SCFD1: variants seen among roughly 807,000 people sequenced by gnomAD.
SCFD1 encodes the protein sec1 family domain-containing protein 1.
In SCFD1, 37 loss-of-function variants were observed where a neutral mutation model predicts 103.2. That is an observed-to-expected ratio of 0.36 (90% confidence interval 0.28 to 0.47). The LOEUF (loss-of-function observed/expected upper bound fraction) is 0.47, where lower values mean the gene tolerates loss of function less well. Ranked by LOEUF, SCFD1 falls within the 20% of genes least tolerant of loss-of-function variation. SCFD1 has a pLI of 1.00. For synonymous variants in SCFD1, 264 were observed against 245.0 expected, an observed-to-expected ratio of 1.08 and a Z score of -0.73; for missense variants, 639 against 761.2, an observed-to-expected ratio of 0.84 and a Z score of 1.89.
chr14:30,729,483 C>T (rs1178373032), intron 23 of SCFD1, among the ~76,000 whole-genome samples: 1 of 152,108 alleles, frequency 6.6e-6, no homozygotes, highest in African/African-American at 2.4e-5. Flanking sequence ...TTTTGGCAAC[C>T]TTGTTGAAAA....
At chr14:30,719,209 T>G in intron 20 of SCFD1, 116 bp from the exon 21 acceptor site, 1 of 698,570 alleles carries the variant, frequency 1.4e-6, no homozygotes, top group African/African-American at 1.8e-5. Context: ...GTATTAGGGA[T>G]GGTTGTTATA....
Position 30,623,064 on chromosome 14 carries a change from C to T in SCFD1, c.61+665C>T, listed in dbSNP as rs933893411. ...GAAATGTAAAAAGGCACATATTCTT[C>T]TCTTGAGTTTTGGGTTTTTTTCCGT... On this transcript the variant is annotated intron_variant, in intron 1 of 24. Coordinates refer to ENST00000458591, the MANE Select transcript of SCFD1 (RefSeq NM_016106.4). Among the ~76,000 whole-genome samples the T allele has an allele frequency of 3.9e-5, 6 of 152,170 alleles. No homozygotes were observed. The South Asian group carries it at 6.2e-4, about 16-fold the overall frequency.
At chr14:30,640,105 C>G (rs986055083) in intron 6 of SCFD1, among the ~76,000 whole-genome samples, 1 of 152,046 alleles carries the variant, frequency 6.6e-6, no homozygotes, top group Non-Finnish European at 1.5e-5. Context: ...TTTTCTATAC[C>G]CCCACAGCAA....
At chr14:30,690,543 C>T (rs969177330) in intron 14 of SCFD1, among the ~76,000 whole-genome samples, 7 of 132,164 alleles carry the variant, frequency 5.3e-5, no homozygotes, top group Non-Finnish European at 1.1e-4. Flanking sequence ...GTCTGAAAAG[C>T]GCAATATTCG....
intron 19 of SCFD1, among the ~76,000 whole-genome samples, chr14:30,711,208 A>C (rs926416759): frequency 6.6e-6 from 1 of 152,240 alleles, no homozygotes; most frequent in Non-Finnish European, 1.5e-5. Context: ...AATTAACAAC[A>C]CATAAATTAC....
intron 11 of SCFD1, among the ~76,000 whole-genome samples, chr14:30,672,420 T>C (rs1193222739): frequency 6.6e-6 from 1 of 152,140 alleles, no homozygotes; most frequent in Non-Finnish European, 1.5e-5. Flanking sequence ...AATGTGCTTG[T>C]TATTAGAGAG....
At chr14:30,653,353 A>G in intron 9 of SCFD1, 136 bp from the exon 10 acceptor site, 1 of 613,576 alleles carries the variant, frequency 1.6e-6, no homozygotes, top group Non-Finnish European at 2.8e-6. Context: ...ATACTAAAAA[A>G]CAAAGTATTA....
At chr14:30,706,840 CA>C in intron 18 of SCFD1, among the ~76,000 whole-genome samples, 1 of 152,160 alleles carries the variant, frequency 6.6e-6, no homozygotes, top group South Asian at 2.1e-4. Context: ...AAATAATTTC[CA>C]AAAACAAAAG....
At chr14:30,706,969 A>G (rs1174356722) in intron 18 of SCFD1, among the ~76,000 whole-genome samples, 1 of 152,234 alleles carries the variant, frequency 6.6e-6, no homozygotes, top group Non-Finnish European at 1.5e-5. Context: ...CTCCAGGGCC[A>G]TTCATTCCAA....
intron 23 of SCFD1, among the ~76,000 whole-genome samples, chr14:30,732,505 GT>G (rs1426774454): frequency 6.6e-6 from 1 of 152,108 alleles, no homozygotes; most frequent in Non-Finnish European, 1.5e-5. Context: ...ATCCCTTTTA[GT>G]TTTTTTGTCC....
intron 14 of SCFD1, among the ~76,000 whole-genome samples, chr14:30,690,304 G>T (rs1472595227): frequency 1.9e-5 from 1 of 51,936 alleles, no homozygotes; most frequent in Non-Finnish European, 3.0e-5. Context: ...GCCTACAGAG[G>T]CAGGCAGGCC....
intron 19 of SCFD1, among the ~76,000 whole-genome samples, chr14:30,712,149 A>G (rs886154622): frequency 2.6e-5 from 4 of 152,060 alleles, no homozygotes; most frequent in East Asian, 1.9e-4. Flanking sequence ...CCACCCTTCT[A>G]TCATTGATAC....
rs569603730 is a variant in SCFD1 at position 30,666,750 on chromosome 14, A to G, written c.856-3506A>G. Among the ~76,000 whole-genome samples, 13 of 152,328 alleles carry G rather than the reference A, an allele frequency of 8.5e-5. No homozygotes were observed. In the South Asian group the frequency reaches 2.3e-3, roughly 27 times the overall value. On this transcript the variant is annotated intron_variant, in intron 10 of 24. Transcript: ENST00000458591. ...CACTGATCCCACAGAAATACAAACT[A>G]CCATCAGAGAATACTATAAACACCT... is the stretch of plus-strand genomic sequence containing the variant.
At chr14:30,702,227 C>CCT (rs1355319120) in intron 16 of SCFD1, 69 bp from the exon 17 acceptor site, 1 of 1,037,634 alleles carries the variant, frequency 9.6e-7, no homozygotes, top group African/African-American at 1.6e-5. Flanking sequence ...TTTAATTAAT[C>CCT]AAATGGCAAC....
chr14:30,629,212 CAT>C (rs1357317563), intron 2 of SCFD1, among the ~76,000 whole-genome samples: 3 of 152,058 alleles, frequency 2.0e-5, no homozygotes, highest in Non-Finnish European at 4.4e-5. Flanking sequence ...TAATAATACA[CAT>C]GTATTGAGAT....
intron 10 of SCFD1, among the ~76,000 whole-genome samples, chr14:30,668,168 C>T (rs963398350): frequency 6.6e-6 from 1 of 152,110 alleles, no homozygotes; most frequent in Non-Finnish European, 1.5e-5. Context: ...GCTACAGTAA[C>T]GAAAACAGCA....
At chr14:30,683,307 G>A (rs1270410266) in intron 14 of SCFD1, 1 of 734,428 alleles carries the variant, frequency 1.4e-6, no homozygotes, top group East Asian at 2.9e-5. Context: ...AGGGTGTGAG[G>A]AATTTCACCT....
chr14:30,731,579 G>A (rs1223279128), intron 23 of SCFD1, among the ~76,000 whole-genome samples: 4 of 152,128 alleles, frequency 2.6e-5, no homozygotes, highest in Non-Finnish European at 5.9e-5. Flanking sequence ...TCCCTTGTAA[G>A]TTGGATTCCT....
chr14:30,667,656 C>A (rs887780367), intron 10 of SCFD1, among the ~76,000 whole-genome samples: 2 of 152,084 alleles, frequency 1.3e-5, no homozygotes, highest in African/African-American at 2.4e-5. Flanking sequence ...TTTAGAAAAC[C>A]CTATTGTCTC....
Sources: allele counts gnomAD v4.1 joint callset (sites outside exome capture counted in the v4.1 genomes callset), GRCh38; gene constraint gnomAD v4.1.1; transcripts MANE v1.5; gene names NCBI Gene and HGNC (gene_info 2026-07-23, HGNC 2026-07-21).